Variants in STK39 observed in about 807,000 individuals in gnomAD.
STK39 encodes STE20/SPS1-related proline-alanine-rich protein kinase.
STK39 carries 20 observed loss-of-function variants against 77.8 expected under a neutral mutation model. The observed-to-expected ratio is 0.26, with a 90% CI of 0.18 to 0.37. STK39 has a LOEUF of 0.37. STK39 is among the 10% of genes least tolerant of loss of function. STK39 has a pLI of 1.00. For missense variants in STK39, 479 were observed against 656.5 expected (o/e 0.73, Z 2.95); for synonymous variants, 246 against 234.1 (o/e 1.05, Z -0.47).
At chr2:167,964,630 T>C (rs201596028) in intron 17 of STK39, 32 bp downstream of exon 17, 4 of 1,573,724 alleles carry the variant, frequency 2.5e-6, no homozygotes, top group East Asian at 2.2e-5. Context: ...TGGCAAAATA[T>C]TACCTCCTTC....
At chr2:168,188,951 G>A (rs759805434) in intron 1 of STK39, among the ~76,000 whole-genome samples, 23 of 152,192 alleles carry the variant, frequency 1.5e-4, no homozygotes, top group Non-Finnish European at 3.2e-4. Context: ...TCTCAAGGCA[G>A]CTACAAACTG....
chr2:168,155,695 C>A (rs1219523295), intron 5 of STK39, among the ~76,000 whole-genome samples: 1 of 152,158 alleles, frequency 6.6e-6, no homozygotes, highest in African/African-American at 2.4e-5. Flanking sequence ...TAGGGCAGTG[C>A]TTGTCCAAAA....
At chr2:168,125,108 A>T in intron 10 of STK39, among the ~76,000 whole-genome samples, 1 of 152,224 alleles carries the variant, frequency 6.6e-6, no homozygotes, top group Admixed American at 6.5e-5. Context: ...TGTATCCCAG[A>T]ACTTAAAGTA....
At chr2:168,091,326 TC>T (rs534040720) in intron 10 of STK39, among the ~76,000 whole-genome samples, 3 of 152,338 alleles carry the variant, frequency 2.0e-5, no homozygotes, top group African/African-American at 7.2e-5. Context: ...AAACTTCTAC[TC>T]CATCTCCACA....
chr2:167,982,991 G>A (rs1254048247), intron 16 of STK39, among the ~76,000 whole-genome samples: 1 of 152,188 alleles, frequency 6.6e-6, no homozygotes, highest in East Asian at 1.9e-4. Context: ...TTGGCTCACT[G>A]CTGTACACCC....
intron 15 of STK39, among the ~76,000 whole-genome samples, chr2:168,013,132 A>G (rs1293770518): frequency 2.0e-5 from 3 of 152,210 alleles, no homozygotes; most frequent in African/African-American, 7.2e-5. Flanking sequence ...AGCATCTGAT[A>G]TAACCTTGTA....
At chr2:168,207,120 T>C (rs748979733) in intron 1 of STK39, among the ~76,000 whole-genome samples, 2 of 152,194 alleles carry the variant, frequency 1.3e-5, no homozygotes, top group Non-Finnish European at 2.9e-5. Flanking sequence ...AAAGCTACCT[T>C]TTCAGCAGTA....
At chr2:168,243,545 A>G (rs1335610247) in intron 1 of STK39, among the ~76,000 whole-genome samples, 1 of 152,220 alleles carries the variant, frequency 6.6e-6, no homozygotes, top group Non-Finnish European at 1.5e-5. Context: ...GTATAAAACT[A>G]CATAAAGAAA....
rs1553505421 is a variant in STK39 at position 167,954,058 on chromosome 2, T to C, written c.*1438A>G. ...TACACTTTTATTTTCCTTTTACCTT[T>C]GCAGTCATCTTCGAGTAATCGTTGT... is the stretch of plus-strand genomic sequence containing the variant. On this transcript the variant is annotated 3_prime_UTR_variant, in exon 18 of 18. Transcript: ENST00000355999. The C allele has an allele frequency of 6.5e-6, 1 of 152,818 alleles. No individual in the cohort carries two copies. The highest frequency in any genetic ancestry group is 1.9e-4 in the East Asian group (1 of 5,190). 9.5% of individuals were successfully genotyped at this position (152,818 alleles called of 1,614,324 possible).
intron 14 of STK39, among the ~76,000 whole-genome samples, chr2:168,024,038 A>G (rs1045656419): frequency 1.3e-5 from 2 of 152,190 alleles, no homozygotes; most frequent in Non-Finnish European, 2.9e-5. Context: ...CCCCGCTATC[A>G]GGAGTAGGAA....
chr2:168,138,352 T>G, intron 7 of STK39, 131 bp from the exon 8 acceptor site: 2 of 1,253,902 alleles, frequency 1.6e-6, no homozygotes, highest in Middle Eastern at 2.9e-4. Flanking sequence ...ATTTTAACTT[T>G]GCAGAAATTG....
intron 2 of STK39, 146 bp downstream of exon 2, chr2:168,181,832 C>A: frequency 1.6e-6 from 1 of 623,478 alleles, no homozygotes. Context: ...TCCCATTAAT[C>A]TGGGGAGCAG....
chr2:168,175,935 A>G (rs905182004), intron 2 of STK39, among the ~76,000 whole-genome samples: 3 of 152,216 alleles, frequency 2.0e-5, no homozygotes, highest in Non-Finnish European at 4.4e-5. Flanking sequence ...TTGAAACCTG[A>G]AATGCTCAAA....
chr2:168,073,297 G>A (rs1483498335), intron 12 of STK39, among the ~76,000 whole-genome samples: 3 of 152,206 alleles, frequency 2.0e-5, no homozygotes, highest in African/African-American at 7.2e-5. Flanking sequence ...AGCCTTACTA[G>A]CAAGGCAGGA....
intron 10 of STK39, among the ~76,000 whole-genome samples, chr2:168,103,300 T>A: frequency 6.6e-6 from 1 of 152,222 alleles, no homozygotes. Flanking sequence ...TTTACCCAGC[T>A]ACACTGTTTG....
intron 10 of STK39, among the ~76,000 whole-genome samples, chr2:168,115,440 A>C (rs754595478): frequency 1.3e-5 from 2 of 152,198 alleles, no homozygotes; most frequent in Admixed American, 6.5e-5. Context: ...TCTTTGACCA[A>C]GCAATCCTGT....
intron 1 of STK39, among the ~76,000 whole-genome samples, chr2:168,192,413 T>TAA (rs997095373): frequency 1.3e-5 from 2 of 152,226 alleles, no homozygotes; most frequent in East Asian, 3.9e-4. Flanking sequence ...GCCAGGCTTT[T>TAA]AAAAAAAATT....
intron 14 of STK39, among the ~76,000 whole-genome samples, chr2:168,018,952 C>G (rs1228599263): frequency 1.3e-5 from 2 of 152,152 alleles, no homozygotes; most frequent in African/African-American, 4.8e-5. Context: ...AAGTCTCACA[C>G]CTTTCCATAA....
At chr2:168,063,677 A>G (rs1685721486) in intron 13 of STK39, 107 bp from the exon 14 acceptor site, 3 of 1,058,122 alleles carry the variant, frequency 2.8e-6, no homozygotes, top group Non-Finnish European at 4.1e-6. Context: ...GGAAATTTCA[A>G]AACTAGATCT....
Sources: allele counts gnomAD v4.1 joint callset (sites outside exome capture counted in the v4.1 genomes callset), GRCh38; gene constraint gnomAD v4.1.1; transcripts MANE v1.5; gene names NCBI Gene and HGNC (gene_info 2026-07-23, HGNC 2026-07-21).